The following KCNJ12 variants were observed in gnomAD, a reference collection of about 807,000 sequenced individuals.
KCNJ12 encodes potassium inwardly rectifying channel subfamily J member 12.
In KCNJ12, 2 loss-of-function variants were observed where a neutral mutation model predicts 22.3. The observed-to-expected ratio is 0.09, with a 90% CI of 0.04 to 0.28. KCNJ12 has a LOEUF of 0.28. Among genes scored for constraint, KCNJ12 ranks in the 10% least tolerant of loss-of-function variants. The pLI is 1.00. For synonymous variants in KCNJ12, 117 were observed against 261.4 expected, an observed-to-expected ratio of 0.45 and a Z score of 5.33; for missense variants, 155 against 633.3, an observed-to-expected ratio of 0.24 and a Z score of 8.11.
At position 21,415,392 on chromosome 17, in the gene KCNJ12, A is replaced by G; in HGVS notation, c.50A>G (p.Glu17Gly). The change falls in exon 3 of 3, where the codon GAG becomes GGG. Residue 17 changes from glutamate to glycine, a missense_variant. By Grantham distance (98) the Glu-to-Gly change is moderately conservative. Transcript: ENST00000583088. ...ANPYSIVSSE[E>G]DGLHLVTMSG... The stretch of plus-strand genomic sequence containing the variant: ...CCCTACAGCATCGTGTCATCGGAGG[A>G]GGACGGGCTGCACCTGGTCACCATG... The G allele has an allele frequency of 6.2e-7, 1 of 1,613,184 alleles. No individual in the cohort carries two copies. Among genetic ancestry groups the G allele is most frequent in the Non-Finnish European group, 8.5e-7 (1 of 1,180,046 alleles).
Position 21,415,768 on chromosome 17 carries a change from C to T in KCNJ12, c.426C>T (p.Thr142=). 2 of 1,613,234 alleles carry T rather than the reference C, an allele frequency of 1.2e-6. No homozygotes were observed. The highest frequency in any genetic ancestry group is 1.7e-6 in the Non-Finnish European group (2 of 1,179,982). ...AAFLFSIETQ[T]TIGYGLRCVT... is the part of the protein sequence containing the mutation. ...TCCTCTTCTCCATCGAGACGCAGAC[C>T]ACCATCGGCTACGGGCTGCGCTGTG... Residue 142 remains threonine, a synonymous_variant, in exon 3 of 3, where the codon ACC becomes ACT. Coordinates refer to ENST00000583088, the MANE Select transcript of KCNJ12 (RefSeq NM_021012.5).
intron 1 of KCNJ12, among the ~76,000 whole-genome samples, chr17:21,402,846 G>C (rs1217864027): frequency 6.6e-6 from 1 of 152,300 alleles, no homozygotes; most frequent in African/African-American, 2.4e-5. Flanking sequence ...GGCCTGGAGG[G>C]CTCACTGAGG....
At position 21,418,469 on chromosome 17, in the gene KCNJ12, G is replaced by A. The variant is rs1906970906; in HGVS notation, c.*1825G>A. ...GACAGAGAGGGGCTGGGGGCGTGGG[G>A]TGGGGGTGTCTGCCTCTTCCCTCCA... is the stretch of plus-strand genomic sequence containing the variant. On this transcript the variant is annotated 3_prime_UTR_variant, in exon 3 of 3. Coordinates refer to ENST00000583088, the MANE Select transcript of KCNJ12 (RefSeq NM_021012.5). 1.2e-5 allele frequency: 2 copies of A among 166,620 alleles called. No individual in the cohort carries two copies. The highest frequency in any genetic ancestry group is 1.9e-4 in the East Asian group (1 of 5,182). 10.3% of individuals were successfully genotyped at this position (166,620 alleles called of 1,614,324 possible). A position where few individuals can be genotyped will look rare whatever the true frequency, so the allele number is the denominator to read the frequency against.
chr17:21,396,815 G>T (rs1395776823), intron 1 of KCNJ12, among the ~76,000 whole-genome samples: 1 of 152,242 alleles, frequency 6.6e-6, no homozygotes, highest in Non-Finnish European at 1.5e-5. Flanking sequence ...GGGGCCCACC[G>T]TGGCTATGGC....
Position 21,389,739 on chromosome 17 carries a change from C to T in KCNJ12, c.-179+12826C>T, listed in dbSNP as rs1006233958. ...TGGGGGTTGGGGGCTGCTGTGGCAC[C>T]TGTGTCCCCCAGCACCAGTGTTCAG... On this transcript the variant is annotated intron_variant, in intron 1 of 2. Transcript: ENST00000583088. Among the ~76,000 whole-genome samples, 3 of 152,158 alleles carry T rather than the reference C, an allele frequency of 2.0e-5. No homozygotes were observed. The South Asian group carries it at 6.2e-4, about 31-fold the overall frequency.
intron 2 of KCNJ12, among the ~76,000 whole-genome samples, chr17:21,411,816 T>C (rs1287561263): frequency 6.6e-6 from 1 of 152,312 alleles, no homozygotes; most frequent in African/African-American, 2.4e-5. Context: ...CCTATATTTC[T>C]TATATTGCGA....
chr17:21,397,318 G>C (rs1165414336), intron 1 of KCNJ12, among the ~76,000 whole-genome samples: 1 of 152,198 alleles, frequency 6.6e-6, no homozygotes, highest in African/African-American at 2.4e-5. Context: ...AGGCTCTCGA[G>C]CAAGGGCCAC....
At chr17:21,391,847 T>C (rs1439102402) in intron 1 of KCNJ12, among the ~76,000 whole-genome samples, 2 of 152,226 alleles carry the variant, frequency 1.3e-5, no homozygotes, top group South Asian at 2.1e-4. Context: ...GGGGACAGGC[T>C]GAGGACCTCC....
chr17:21,390,383 C>A (rs1905179754), intron 1 of KCNJ12, among the ~76,000 whole-genome samples: 2 of 152,226 alleles, frequency 1.3e-5, no homozygotes, highest in Admixed American at 1.3e-4. Context: ...CAAAGTCCTG[C>A]CCCACGGAGC....
At chr17:21,379,232 C>T (rs527365456) in intron 1 of KCNJ12, among the ~76,000 whole-genome samples, 17 of 152,350 alleles carry the variant, frequency 1.1e-4, no homozygotes, top group East Asian at 5.8e-4. Context: ...GCCAGGCCTC[C>T]GGTACCCTGG....
At chr17:21,412,644 C>T (rs1906429643) in intron 2 of KCNJ12, among the ~76,000 whole-genome samples, 1 of 152,304 alleles carries the variant, frequency 6.6e-6, no homozygotes, top group African/African-American at 2.4e-5. Context: ...CCCCCTGCTG[C>T]CGGCTCCCTA....
At chr17:21,391,452 T>G (rs1905208513) in intron 1 of KCNJ12, among the ~76,000 whole-genome samples, 1 of 152,196 alleles carries the variant, frequency 6.6e-6, no homozygotes, top group South Asian at 2.1e-4. Context: ...CACAAGACTG[T>G]CCTGCTGCTC....
chr17:21,402,596 C>T (rs1338911708), intron 1 of KCNJ12, among the ~76,000 whole-genome samples: 1 of 152,312 alleles, frequency 6.6e-6, no homozygotes, highest in African/African-American at 2.4e-5. Flanking sequence ...AGCCTCCTGC[C>T]CATGGTAGGG....
At chr17:21,389,801 C>T (rs1222040263) in intron 1 of KCNJ12, among the ~76,000 whole-genome samples, 1 of 152,140 alleles carries the variant, frequency 6.6e-6, no homozygotes, top group Non-Finnish European at 1.5e-5. Flanking sequence ...CAAAACCATC[C>T]CTGGGCCCCA....
chr17:21,383,183 G>A (rs1555558228), intron 1 of KCNJ12, among the ~76,000 whole-genome samples: 3 of 152,226 alleles, frequency 2.0e-5, no homozygotes, highest in African/African-American at 7.2e-5. Flanking sequence ...GGCCGGAGGT[G>A]TGCCCTTGCC....
At chr17:21,382,897 T>C (rs782665134) in intron 1 of KCNJ12, among the ~76,000 whole-genome samples, 17 of 152,006 alleles carry the variant, frequency 1.1e-4, no homozygotes, top group Non-Finnish European at 2.2e-4. Flanking sequence ...ACCCCAAGGG[T>C]GTACAGGAGG....
At chr17:21,393,708 A>T (rs1474836795) in intron 1 of KCNJ12, among the ~76,000 whole-genome samples, 1 of 152,152 alleles carries the variant, frequency 6.6e-6, no homozygotes, top group African/African-American at 2.4e-5. Flanking sequence ...TAGTCCCCTC[A>T]TGGCCCGCTT....
At chr17:21,403,975 C>A (rs1435400685) in intron 1 of KCNJ12, among the ~76,000 whole-genome samples, 1 of 152,266 alleles carries the variant, frequency 6.6e-6, no homozygotes, top group Non-Finnish European at 1.5e-5. Flanking sequence ...CCTTTGGGAT[C>A]AAGTCTAGGC....
At chr17:21,379,802 G>C (rs574043469) in intron 1 of KCNJ12, among the ~76,000 whole-genome samples, 5 of 152,080 alleles carry the variant, frequency 3.3e-5, no homozygotes, top group Admixed American at 6.5e-5. Flanking sequence ...GGTGGGGGGG[G>C]GCCTGGCAGA....
Sources: allele counts gnomAD v4.1 joint callset (sites outside exome capture counted in the v4.1 genomes callset), GRCh38; gene constraint gnomAD v4.1.1; transcripts MANE v1.5; gene names NCBI Gene and HGNC (gene_info 2026-07-23, HGNC 2026-07-21).